Variants in SEC22A observed in about 807,000 individuals in gnomAD.
SEC22A encodes the protein SEC22 homolog A, vesicle trafficking protein.
In SEC22A, 22 loss-of-function variants were observed where a neutral mutation model predicts 35.3. That is an observed-to-expected ratio of 0.62 (90% CI 0.45 to 0.89). The LOEUF (loss-of-function observed/expected upper bound fraction) is 0.89. Ranked by LOEUF, SEC22A falls within the 40% of genes least tolerant of loss-of-function variation. The pLI, the probability that SEC22A is intolerant of heterozygous loss-of-function variation, is 0.00. For missense variants in SEC22A, 354 were observed against 362.5 expected, an observed-to-expected ratio of 0.98 and a Z score of 0.19; for synonymous variants, 119 against 129.5, an observed-to-expected ratio of 0.92 and a Z score of 0.55.
At chr3:123,239,973 G>A (rs1038538648) in intron 4 of SEC22A, among the ~76,000 whole-genome samples, 1 of 152,148 alleles carries the variant, frequency 6.6e-6, no homozygotes, top group Non-Finnish European at 1.5e-5. Context: ...TGGACTCTGG[G>A]GCATAGGTTC....
chr3:123,254,565 A>G (rs2108089531), intron 5 of SEC22A, among the ~76,000 whole-genome samples: 1 of 152,118 alleles, frequency 6.6e-6, no homozygotes, highest in South Asian at 2.1e-4. Context: ...TCCTTCACCT[A>G]CATTTCATCT....
chr3:123,220,867 C>CATATATATCTATATATATATATAT, intron 2 of SEC22A, among the ~76,000 whole-genome samples: 1 of 97,530 alleles, frequency 1.0e-5, no homozygotes, highest in East Asian at 2.4e-4. Context: ...AAAAAGGTCT[C>CATATATATCTATATATATATATAT]ATATATATAT....
intron 1 of SEC22A, among the ~76,000 whole-genome samples, chr3:123,205,466 A>T (rs1936835434): frequency 6.6e-6 from 1 of 152,150 alleles, no homozygotes; most frequent in Admixed American, 6.5e-5. Context: ...ACGCAGGTGG[A>T]TCACTTGAGG....
chr3:123,253,234 A>G (rs545116703), intron 5 of SEC22A, among the ~76,000 whole-genome samples: 2 of 152,288 alleles, frequency 1.3e-5, no homozygotes, highest in African/African-American at 2.4e-5. Flanking sequence ...TCATCTTGCA[A>G]TTCTGCAAGA....
chr3:123,242,298 G>A (rs1479658990), intron 4 of SEC22A, among the ~76,000 whole-genome samples: 1 of 152,060 alleles, frequency 6.6e-6, no homozygotes, highest in Non-Finnish European at 1.5e-5. Context: ...CCTCAAATAT[G>A]ATGTTAAAAT....
chr3:123,248,530 A>G (rs1218278018), intron 5 of SEC22A, among the ~76,000 whole-genome samples: 1 of 152,232 alleles, frequency 6.6e-6, no homozygotes, highest in Admixed American at 6.5e-5. Context: ...TAAAATGTAT[A>G]TACAAGATCT....
In SEC22A at chr3:123,269,625, A is replaced by ATT. The variant is rs35895285; in HGVS notation, c.724-1873_724-1872dup. ...CTCTTCAAGACTGTCAAGGACATGAATTTTTTTTTTTTTTTTTTTTTTTTT... is the reference window on the plus strand; with the variant it reads ...CTCTTCAAGACTGTCAAGGACATGAATTTTTTTTTTTTTTTTTTTTTTTTTTT... On this transcript the variant is annotated intron_variant, in intron 6 of 6. Transcript: ENST00000492595. Among the ~76,000 whole-genome samples the ATT allele has an allele frequency of 3.4e-3, 306 of 89,446 alleles. 1 individual carries two copies. The highest frequency in any genetic ancestry group is 3.9e-3 in the East Asian group (13 of 3,316). 58.7% of individuals were successfully genotyped at this position (89,446 alleles called of 152,430 possible). A position where few individuals can be genotyped will look rare whatever the true frequency, so the allele number is the denominator to read the frequency against.
At chr3:123,241,959 A>G (rs1444078148) in intron 4 of SEC22A, among the ~76,000 whole-genome samples, 1 of 152,182 alleles carries the variant, frequency 6.6e-6, no homozygotes, top group Non-Finnish European at 1.5e-5. Flanking sequence ...GAAAAAAAAA[A>G]AAAAATTTTA....
chr3:123,246,343 G>C (rs545385525), intron 5 of SEC22A, among the ~76,000 whole-genome samples: 10 of 152,166 alleles, frequency 6.6e-5, no homozygotes, highest in African/African-American at 9.7e-5. Context: ...AGTTGGGAAG[G>C]GGGAGAGGTC....
chr3:123,244,910 AGAT>A (rs1937554486), intron 4 of SEC22A, among the ~76,000 whole-genome samples: 1 of 152,178 alleles, frequency 6.6e-6, no homozygotes. Flanking sequence ...ATTAAGCGTA[AGAT>A]GATGATGAAG....
Position 123,225,277 on chromosome 3 carries a change from G to T in SEC22A, c.521G>T (p.Gly174Val), listed in dbSNP as rs1937200849. Reference sequence around the variant, plus strand: ...TCAGCATTTTCTGTTGACTGTAAAGGTGCTGGTAAGATTTCTTCTGGTGAG... The same window carrying T: ...TCAGCATTTTCTGTTGACTGTAAAGTTGCTGGTAAGATTTCTTCTGGTGAG... Reference protein sequence around the residue: ...VTSAFSVDCKGAGKISSAHQR... With the variant: ...VTSAFSVDCKVAGKISSAHQR... The change falls in exon 4 of 7, where the codon GGT becomes GTT. Residue 174 changes from glycine (G) to valine (V), a missense_variant. Coordinates refer to ENST00000492595, the MANE Select transcript of SEC22A (RefSeq NM_012430.5). 6.2e-7 allele frequency: 1 copy of T among 1,607,696 alleles called. No individual in the cohort carries two copies.
rs750113864 is a variant in SEC22A, at chr3:123,223,544, T to G, written c.183-15T>G. The G allele has an allele frequency of 6.2e-7, 1 of 1,607,070 alleles. No homozygotes were observed. Among genetic ancestry groups the G allele is most frequent in the South Asian group, 1.1e-5 (1 of 90,426 alleles). On this transcript the variant is annotated splice_polypyrimidine_tract_variant and intron_variant, in intron 2 of 6. Coordinates refer to ENST00000492595, the MANE Select transcript of SEC22A (RefSeq NM_012430.5). ...TTAATTTGAAATTTTAAAACCAATG[T>G]TTTTTACACTGTAGTTTTATTAGCT...
At position 123,203,401 on chromosome 3, in the gene SEC22A, A is replaced by G. The variant is rs1246326408; in HGVS notation, c.-20+1415A>G. 2.0e-5 allele frequency among the ~76,000 whole-genome samples: 3 copies of G among 152,178 alleles called. No individual in the cohort carries two copies. The East Asian group carries it at 5.8e-4, about 29-fold the overall frequency. ...AGAGTAATCAATAAATAATACAGCAAATATTTAATGTAGTGCTTTTAGCAT... is the reference window on the plus strand; with the variant it reads ...AGAGTAATCAATAAATAATACAGCAGATATTTAATGTAGTGCTTTTAGCAT... On this transcript the variant is annotated intron_variant, in intron 1 of 6. Transcript: ENST00000492595.
At chr3:123,215,083 T>G (rs1405877887) in intron 2 of SEC22A, among the ~76,000 whole-genome samples, 6 of 152,256 alleles carry the variant, frequency 3.9e-5, no homozygotes, top group Non-Finnish European at 7.3e-5. Context: ...TATTGAGTAC[T>G]TGCTATTGCC....
chr3:123,239,707 C>G (rs538343100), intron 4 of SEC22A, among the ~76,000 whole-genome samples: 1 of 151,862 alleles, frequency 6.6e-6, no homozygotes, highest in African/African-American at 2.4e-5. Flanking sequence ...TGGTTGAGTT[C>G]ATTGTAGATT....
chr3:123,232,997 G>A (rs1937347922), intron 4 of SEC22A, among the ~76,000 whole-genome samples: 1 of 152,076 alleles, frequency 6.6e-6, no homozygotes, highest in Non-Finnish European at 1.5e-5. Flanking sequence ...TAGCGTGATG[G>A]TATGCATGTG....
chr3:123,256,921 G>A (rs1312020730), intron 5 of SEC22A, among the ~76,000 whole-genome samples: 2 of 151,686 alleles, frequency 1.3e-5, no homozygotes, highest in East Asian at 3.9e-4. Context: ...CACCACGCCC[G>A]GCTAATTTTT....
rs1233955202 is a variant in SEC22A, at chr3:123,272,513, A to G, written c.*791A>G. On this transcript the variant is annotated 3_prime_UTR_variant, in exon 7 of 7. Coordinates refer to ENST00000492595, the MANE Select transcript of SEC22A (RefSeq NM_012430.5). ...TAAATTTTAAAGTTTTTTTAAAAAA[A>G]TGAATCCTGCTCCAAGTGGAAAACC... The G allele has an allele frequency of 6.6e-6, 1 of 152,346 alleles. No homozygotes were observed. Among genetic ancestry groups the G allele is most frequent in the East Asian group, 1.9e-4 (1 of 5,188 alleles). 9.4% of individuals were successfully genotyped at this position (152,346 alleles called of 1,614,324 possible).
chr3:123,231,952 G>T (rs531154449), intron 4 of SEC22A, among the ~76,000 whole-genome samples: 2 of 152,222 alleles, frequency 1.3e-5, no homozygotes, highest in African/African-American at 4.8e-5. Context: ...AATTAGAAAT[G>T]AAGGGGCCAG....
Sources: allele counts gnomAD v4.1 joint callset (sites outside exome capture counted in the v4.1 genomes callset), GRCh38; gene constraint gnomAD v4.1.1; transcripts MANE v1.5; gene names NCBI Gene and HGNC (gene_info 2026-07-23, HGNC 2026-07-21).